Variants in HERC2 observed in about 807,000 individuals in gnomAD.
HERC2 encodes the protein E3 ubiquitin-protein ligase HERC2.
In HERC2, 102 loss-of-function variants were observed where a neutral mutation model predicts 537.7. That is an observed-to-expected ratio of 0.19 (90% CI 0.16 to 0.22). HERC2 has a LOEUF of 0.22. HERC2 is among the 10% of genes least tolerant of loss of function. The pLI, the probability that HERC2 is intolerant of heterozygous loss-of-function variation, is 1.00. For missense variants in HERC2, 4,236 were observed against 6,198.2 expected (o/e 0.68, Z 10.63); for synonymous variants, 2,224 against 2,466.2 (o/e 0.90, Z 2.91).
intron 36 of HERC2, among the ~76,000 whole-genome samples, chr15:28,220,875 C>G (rs373128205): frequency 1.5e-4 from 20 of 136,290 alleles, no homozygotes; most frequent in Middle Eastern, 4.1e-3. Flanking sequence ...ATGGCTCCCA[C>G]CAGACCTCAG....
At chr15:28,136,840 T>C (rs560370276) in intron 78 of HERC2, among the ~76,000 whole-genome samples, 2 of 152,312 alleles carry the variant, frequency 1.3e-5, no homozygotes, top group African/African-American at 2.4e-5. Context: ...AAAATGAAGA[T>C]ATTTTGAAAC....
intron 43 of HERC2, among the ~76,000 whole-genome samples, chr15:28,211,772 G>A (rs1429161004): frequency 6.6e-6 from 1 of 152,246 alleles, no homozygotes; most frequent in African/African-American, 2.4e-5. Context: ...CATGTGAATG[G>A]GAGATCCAGA....
intron 56 of HERC2, among the ~76,000 whole-genome samples, 167 bp from the exon 57 acceptor site, chr15:28,182,679 T>A (rs1404829958): frequency 7.6e-6 from 1 of 131,698 alleles, no homozygotes; most frequent in Non-Finnish European, 1.5e-5. Context: ...TGTACAGGAG[T>A]AAGTCCTCTG....
chr15:28,169,399 C>T (rs1021278919), intron 66 of HERC2, 85 bp downstream of exon 66: 15 of 947,886 alleles, frequency 1.6e-5, no homozygotes, highest in Non-Finnish European at 2.2e-5. Context: ...TTCTTGGAGA[C>T]ATCTGATCAA....
chr15:28,143,849 A>G, intron 74 of HERC2, 24 bp downstream of exon 74: 1 of 1,613,694 alleles, frequency 6.2e-7, no homozygotes, highest in Non-Finnish European at 8.5e-7. Flanking sequence ...ACAAATCTAG[A>G]AATTGTACTA....
At chr15:28,188,016 C>T (rs1896479615) in intron 55 of HERC2, among the ~76,000 whole-genome samples, 1 of 152,124 alleles carries the variant, frequency 6.6e-6, no homozygotes, top group African/African-American at 2.4e-5. Context: ...TCTACCATTT[C>T]AGAGGAAATA....
In HERC2 at chr15:28,184,360, G is replaced by T. The variant is rs114933928; in HGVS notation, c.8826-1848C>A. ...ACGTGGTCAGTGTGGGAACATCCCA[G>T]TTGGGTGGCAGCCCTGTAGGAGGAG... is the stretch of plus-strand genomic sequence containing the variant. On this transcript the variant is annotated intron_variant, in intron 56 of 92. Coordinates refer to ENST00000261609, the MANE Select transcript of HERC2 (RefSeq NM_004667.6). 3.6e-3 allele frequency among the ~76,000 whole-genome samples: 544 copies of T among 152,300 alleles called. 6 individuals are homozygous for T. Among genetic ancestry groups the T allele is most frequent in the African/African-American group, 0.012 (518 of 41,554 alleles).
At chr15:28,183,185 T>G (rs911728238) in intron 56 of HERC2, among the ~76,000 whole-genome samples, 2 of 152,106 alleles carry the variant, frequency 1.3e-5, no homozygotes, top group East Asian at 3.8e-4. Context: ...TCTCCTGACC[T>G]GCCCTCAACA....
intron 2 of HERC2, among the ~76,000 whole-genome samples, chr15:28,300,705 C>T (rs74743152): frequency 0.18 from 25,051 of 137,342 alleles, 2,976 homozygotes; most frequent in Non-Finnish European, 0.28. Flanking sequence ...TGCCTGTAAT[C>T]CCAGTCACTC....
intron 21 of HERC2, 112 bp from the exon 22 acceptor site, chr15:28,247,009 T>C: frequency 1.1e-6 from 1 of 931,752 alleles, no homozygotes; most frequent in Non-Finnish European, 1.6e-6. Context: ...CCATAATAAT[T>C]TTCTCAAACA....
At chr15:28,226,944 A>AT (rs2140559561) in intron 35 of HERC2, among the ~76,000 whole-genome samples, 1 of 152,330 alleles carries the variant, frequency 6.6e-6, no homozygotes, top group African/African-American at 2.4e-5. Context: ...TAGTGCATTT[A>AT]TTGGTACAAC....
At chr15:28,293,793 A>C (rs1162069900) in intron 3 of HERC2, among the ~76,000 whole-genome samples, 14 of 152,234 alleles carry the variant, frequency 9.2e-5, no homozygotes, top group Admixed American at 9.2e-4. Flanking sequence ...CTGATAGCAT[A>C]ATTCAAGAGC....
chr15:28,221,914 T>A lies in HERC2; in HGVS notation c.5652+114A>T. On this transcript the variant is annotated intron_variant, in intron 36 of 92. Coordinates refer to ENST00000261609, the MANE Select transcript of HERC2 (RefSeq NM_004667.6). ...TGCTCGGGAACCAACACCTGTGTCA[T>A]CAATCAACTGACACATCCTGGATTA... The A allele has an allele frequency of 4.3e-6, 4 of 925,250 alleles. No homozygotes were observed. In the Admixed American group the frequency reaches 6.8e-5, roughly 16 times the overall value. The allele number at this position is 925,250 out of a possible 1,614,324, so 57.3% of individuals were successfully genotyped here. A position where few individuals can be genotyped will look rare whatever the true frequency, so the allele number is the denominator to read the frequency against.
intron 86 of HERC2, among the ~76,000 whole-genome samples, chr15:28,119,214 G>A (rs1039758986): frequency 6.6e-6 from 1 of 151,924 alleles, no homozygotes; most frequent in East Asian, 2.0e-4. Context: ...TGGCCAACAT[G>A]GTGAAATTGT....
At chr15:28,154,771 ATTT>A (rs781136673) in intron 69 of HERC2, among the ~76,000 whole-genome samples, 2 of 152,084 alleles carry the variant, frequency 1.3e-5, no homozygotes, top group African/African-American at 4.8e-5. Context: ...TTATATATAT[ATTT>A]TTTTATTATA....
chr15:28,165,345 C>T (rs12916300), intron 68 of HERC2, among the ~76,000 whole-genome samples: 74,098 of 152,116 alleles, frequency 0.49, 25,888 homozygotes, highest in Non-Finnish European at 0.76. Flanking sequence ...AAGTAAATAG[C>T]CTGCTGATGA....
intron 36 of HERC2, 86 bp from the exon 37 acceptor site, chr15:28,220,730 G>A: frequency 8.9e-7 from 1 of 1,126,440 alleles, no homozygotes; most frequent in Non-Finnish European, 1.3e-6. Context: ...TCAGTTAGGA[G>A]GGTGCATGCC....
chr15:28,264,337 C>T (rs1249196782), intron 14 of HERC2, among the ~76,000 whole-genome samples: 1 of 152,180 alleles, frequency 6.6e-6, no homozygotes, highest in African/African-American at 2.4e-5. Flanking sequence ...AGGCCAACCC[C>T]AAGCAAAATG....
In HERC2 at chr15:28,117,097, A is replaced by G. The variant is rs1888338217; in HGVS notation, c.13330T>C (p.Phe4444Leu). 5 of 1,614,036 alleles carry G rather than the reference A, an allele frequency of 3.1e-6. No individual in the cohort carries two copies. The highest frequency in any genetic ancestry group is 4.2e-6 in the Non-Finnish European group (5 of 1,180,000). The change falls in exon 87 of 93, where the codon TTT (phenylalanine) becomes CTT (leucine). Residue 4444 changes from phenylalanine to leucine, a missense_variant. Physicochemically the swap from Phe to Leu is conservative, Grantham distance 22 (BLOSUM62 0). Transcript: ENST00000261609. ...LAGPDGTKSV[F>L]GQMCAKMSSF... The stretch of plus-strand genomic sequence containing the variant: ...CTCATCTTAGCACACATCTGCCCAA[A>G]GACAGACTTGGTGCCGTCGGGGCCG...
Sources: gnomAD v4.1 joint callset for allele counts (sites outside exome capture counted in the v4.1 genomes callset) on GRCh38, gnomAD v4.1.1 for gene constraint, MANE v1.5 for transcripts, NCBI Gene and HGNC (gene_info 2026-07-23, HGNC 2026-07-21) for gene names.